NEGR1: variants seen among roughly 807,000 people sequenced by gnomAD.
NEGR1 encodes IgLON family member 4.
A neutral mutation model predicts 40.9 loss-of-function variants in NEGR1; 10 were observed. The observed-to-expected ratio is 0.24, with a 90% CI of 0.15 to 0.42. NEGR1 has a LOEUF of 0.42. Among genes scored for constraint, NEGR1 ranks in the 10% least tolerant of loss-of-function variants. The pLI, the probability that NEGR1 is intolerant of heterozygous loss-of-function variation, is 1.00. For synonymous variants in NEGR1, 185 were observed against 166.8 expected (o/e 1.11, Z -0.84); for missense variants, 352 against 438.9 (o/e 0.80, Z 1.77).
At chr1:71,523,587 C>T (rs1418160378) in intron 6 of NEGR1, among the ~76,000 whole-genome samples, 1 of 151,774 alleles carries the variant, frequency 6.6e-6, no homozygotes, top group Non-Finnish European at 1.5e-5. Context: ...GATGCAAAGT[C>T]GGCTACTGAT....
intron 6 of NEGR1, among the ~76,000 whole-genome samples, chr1:71,547,454 T>C (rs1647936318): frequency 6.6e-6 from 1 of 151,740 alleles, no homozygotes; most frequent in African/African-American, 2.4e-5. Context: ...GTCTTCCCTG[T>C]TGGAGAGGAC....
intron 1 of NEGR1, among the ~76,000 whole-genome samples, chr1:72,177,024 A>T (rs1470998601): frequency 1.3e-5 from 2 of 152,190 alleles, no homozygotes; most frequent in Middle Eastern, 3.4e-3. Context: ...TTTTCACATA[A>T]AATGGAATGA....
intron 1 of NEGR1, among the ~76,000 whole-genome samples, chr1:72,159,219 G>T (rs914759571): frequency 6.6e-6 from 1 of 152,152 alleles, no homozygotes; most frequent in Non-Finnish European, 1.5e-5. Flanking sequence ...GAGAAGCAGA[G>T]TATTTAAGAG....
At chr1:72,179,615 A>G (rs1242532091) in intron 1 of NEGR1, among the ~76,000 whole-genome samples, 1 of 152,124 alleles carries the variant, frequency 6.6e-6, no homozygotes, top group African/African-American at 2.4e-5. Context: ...AAGTTTAATA[A>G]ATATCTATAA....
At chr1:71,775,541 T>TC (rs1431263789) in intron 3 of NEGR1, among the ~76,000 whole-genome samples, 4 of 151,944 alleles carry the variant, frequency 2.6e-5, no homozygotes, top group African/African-American at 9.7e-5. Context: ...AGATGGGGTT[T>TC]CACCATGACA....
chr1:71,707,883 C>T (rs1441463259), intron 3 of NEGR1, among the ~76,000 whole-genome samples: 23 of 152,116 alleles, frequency 1.5e-4, no homozygotes, highest in Non-Finnish European at 7.4e-5. Flanking sequence ...ACTTCTCTTG[C>T]ATCTTGTCCA....
chr1:72,279,943 T>C (rs917650399), intron 1 of NEGR1, among the ~76,000 whole-genome samples: 4 of 152,184 alleles, frequency 2.6e-5, no homozygotes, highest in African/African-American at 9.7e-5. Context: ...TGTAAGCAAA[T>C]TGCTTTGAGT....
intron 1 of NEGR1, among the ~76,000 whole-genome samples, chr1:72,256,906 A>T (rs1655288110): frequency 6.6e-6 from 1 of 151,978 alleles, no homozygotes; most frequent in Non-Finnish European, 1.5e-5. Context: ...TGTGCATATA[A>T]AATCCATGTA....
At chr1:71,551,484 C>G (rs1198916995) in intron 6 of NEGR1, among the ~76,000 whole-genome samples, 1 of 151,548 alleles carries the variant, frequency 6.6e-6, no homozygotes, top group African/African-American at 2.4e-5. Flanking sequence ...AAAACAAAGA[C>G]TGCAAATCAG....
chr1:71,427,283 C>G (rs2101288245), intron 6 of NEGR1, among the ~76,000 whole-genome samples: 1 of 152,304 alleles, frequency 6.6e-6, no homozygotes, highest in Non-Finnish European at 1.5e-5. Flanking sequence ...CCAGATTGCA[C>G]AGCATGTTAA....
chr1:71,488,865 T>G (rs1646905447), intron 6 of NEGR1, among the ~76,000 whole-genome samples: 1 of 151,796 alleles, frequency 6.6e-6, no homozygotes, highest in African/African-American at 2.4e-5. Flanking sequence ...ACAAAGATGA[T>G]GGTGTGGTAT....
At chr1:72,216,158 C>T (rs1176394580) in intron 1 of NEGR1, among the ~76,000 whole-genome samples, 4 of 151,302 alleles carry the variant, frequency 2.6e-5, no homozygotes, top group African/African-American at 4.9e-5. Flanking sequence ...AGTCGTACAA[C>T]GAGAATGCTT....
In NEGR1 at chr1:72,121,088, T is replaced by G. The variant is rs1275583574; in HGVS notation, c.176+161231A>C. ...TCACAGTGTAGTCATTTTCTTACAG[T>G]TCTTTTTTGTACTTTTTGTATAAAA... is the stretch of plus-strand genomic sequence containing the variant. On this transcript the variant is annotated intron_variant, in intron 1 of 6. Coordinates refer to ENST00000357731, the MANE Select transcript of NEGR1 (RefSeq NM_173808.3). Among the ~76,000 whole-genome samples the G allele has an allele frequency of 9.9e-5, 15 of 152,146 alleles. No individual in the cohort carries two copies. The East Asian group carries it at 2.1e-3, about 22-fold the overall frequency.
intron 3 of NEGR1, among the ~76,000 whole-genome samples, chr1:71,744,260 T>TA (rs1655309503): frequency 6.9e-6 from 1 of 145,546 alleles, no homozygotes; most frequent in Non-Finnish European, 1.5e-5. Flanking sequence ...GGAAGGGTGA[T>TA]AATAATATGT....
intron 1 of NEGR1, among the ~76,000 whole-genome samples, chr1:72,216,371 T>TTATATATATACAATA (rs1653810293): frequency 8.6e-6 from 1 of 115,704 alleles, no homozygotes; most frequent in Admixed American, 8.4e-5. Flanking sequence ...AACTTGGAAG[T>TTATATATATACAATA]TATATATATA....
intron 6 of NEGR1, among the ~76,000 whole-genome samples, chr1:71,560,323 C>T (rs1183767268): frequency 6.7e-6 from 1 of 150,202 alleles, no homozygotes; most frequent in African/African-American, 2.4e-5. Context: ...CTTACCTTCC[C>T]AATATCTACA....
chr1:71,614,856 C>G (rs1306460291), intron 4 of NEGR1, among the ~76,000 whole-genome samples: 1 of 152,122 alleles, frequency 6.6e-6, no homozygotes, highest in East Asian at 1.9e-4. Flanking sequence ...CGGCTCAGTA[C>G]TGGGTGCTTT....
intron 1 of NEGR1, among the ~76,000 whole-genome samples, chr1:71,995,387 T>C (rs893381192): frequency 3.9e-5 from 6 of 152,088 alleles, no homozygotes; most frequent in African/African-American, 7.2e-5. Context: ...ATGAATAACA[T>C]TGCTATTCTA....
intron 2 of NEGR1, among the ~76,000 whole-genome samples, chr1:71,921,407 T>C (rs1645715769): frequency 6.6e-6 from 1 of 152,072 alleles, no homozygotes; most frequent in Non-Finnish European, 1.5e-5. Context: ...AGAGTCCATG[T>C]ACACTTGGAT....
Sources: allele counts gnomAD v4.1 joint callset (sites outside exome capture counted in the v4.1 genomes callset), GRCh38; gene constraint gnomAD v4.1.1; transcripts MANE v1.5; gene names NCBI Gene and HGNC (gene_info 2026-07-23, HGNC 2026-07-21).